The following CHST11 variants were observed in gnomAD, a reference collection of about 807,000 sequenced individuals.
The protein encoded by CHST11 is carbohydrate sulfotransferase 11.
In CHST11, 9 loss-of-function variants were observed where a neutral mutation model predicts 30.4. That is an observed-to-expected ratio of 0.30 (90% confidence interval 0.18 to 0.52). CHST11 has a LOEUF of 0.52. Among genes scored for constraint, CHST11 ranks in the 20% least tolerant of loss-of-function variants. The pLI, the probability that CHST11 is intolerant of heterozygous loss-of-function variation, is 0.97. For synonymous variants in CHST11, 152 were observed against 187.8 expected (o/e 0.81, Z 1.56); for missense variants, 348 against 460.6 (o/e 0.76, Z 2.24).
At chr12:104,606,174 G>GC (rs1231410882) in intron 2 of CHST11, among the ~76,000 whole-genome samples, 1 of 70,216 alleles carries the variant, frequency 1.4e-5, no homozygotes, top group African/African-American at 4.2e-5. Context: ...GGGGCGGGGG[G>GC]CGGGGGGGGG....
At chr12:104,722,001 T>A (rs2040180784) in intron 2 of CHST11, among the ~76,000 whole-genome samples, 1 of 152,070 alleles carries the variant, frequency 6.6e-6, no homozygotes, top group Admixed American at 6.5e-5. Context: ...TTTGGGGGGT[T>A]TTTTTGAGAC....
chr12:104,472,806 G>T (rs1049278749), intron 1 of CHST11, among the ~76,000 whole-genome samples: 42 of 151,882 alleles, frequency 2.8e-4, no homozygotes, highest in African/African-American at 9.7e-4. Context: ...TGGTTGTGGT[G>T]GTGGTGGTGG....
intron 1 of CHST11, among the ~76,000 whole-genome samples, chr12:104,570,887 C>T (rs7962055): frequency 0.28 from 42,778 of 151,654 alleles, 7,559 homozygotes; most frequent in African/African-American, 0.51. Flanking sequence ...GACGGAGTTT[C>T]GCCATGTTGA....
chr12:104,558,864 G>A (rs1021507856), intron 1 of CHST11, among the ~76,000 whole-genome samples: 2 of 151,786 alleles, frequency 1.3e-5, no homozygotes, highest in African/African-American at 2.4e-5. Context: ...CTAAGTCCTC[G>A]GGCACCAGGA....
intron 2 of CHST11, among the ~76,000 whole-genome samples, chr12:104,683,129 G>C (rs1373970785): frequency 6.6e-6 from 1 of 152,172 alleles, no homozygotes; most frequent in Non-Finnish European, 1.5e-5. Flanking sequence ...AGGTGGAATG[G>C]AGTATGATTG....
intron 2 of CHST11, among the ~76,000 whole-genome samples, chr12:104,627,596 A>C (rs1198706576): frequency 6.6e-6 from 1 of 152,204 alleles, no homozygotes; most frequent in Non-Finnish European, 1.5e-5. Context: ...AGAATTACTA[A>C]GTGTTCCTTA....
At chr12:104,514,581 T>C (rs1483624157) in intron 1 of CHST11, 1 of 410,922 alleles carries the variant, frequency 2.4e-6, no homozygotes, top group Non-Finnish European at 4.5e-6. Context: ...TTCTGCAGGC[T>C]GTACACGAAG....
chr12:104,608,512 T>C (rs1379498377), intron 2 of CHST11, among the ~76,000 whole-genome samples: 3 of 152,164 alleles, frequency 2.0e-5, no homozygotes, highest in Admixed American at 6.5e-5. Flanking sequence ...AGCCTTTGTC[T>C]ACTTGCAGTC....
intron 1 of CHST11, among the ~76,000 whole-genome samples, chr12:104,567,714 C>T (rs2136021168): frequency 1.3e-5 from 2 of 152,260 alleles, no homozygotes; most frequent in Middle Eastern, 6.8e-3. Flanking sequence ...TAGAGGTTGC[C>T]ATGGTCTGAA....
chr12:104,570,800 C>G (rs1313057579), intron 1 of CHST11, among the ~76,000 whole-genome samples: 2 of 151,518 alleles, frequency 1.3e-5, no homozygotes, highest in Non-Finnish European at 2.9e-5. Flanking sequence ...AAGTGAATCT[C>G]CTGCCTCAGC....
At chr12:104,499,468 G>A (rs1477157389) in intron 1 of CHST11, among the ~76,000 whole-genome samples, 4 of 152,156 alleles carry the variant, frequency 2.6e-5, no homozygotes, top group African/African-American at 7.2e-5. Context: ...TGGTGATTGG[G>A]CCATTAACTT....
chr12:104,737,138 G>A (rs571796890), intron 2 of CHST11, among the ~76,000 whole-genome samples: 73 of 152,342 alleles, frequency 4.8e-4, no homozygotes, highest in Non-Finnish European at 3.8e-4. Context: ...AGAACTTCCC[G>A]ACTAAGAACT....
intron 1 of CHST11, among the ~76,000 whole-genome samples, chr12:104,486,304 AT>A (rs5800622): frequency 0.64 from 93,635 of 147,032 alleles, 29,977 homozygotes; most frequent in African/African-American, 0.77. Flanking sequence ...AGTCAGTGTG[AT>A]TTTTTTTTTT....
At chr12:104,696,482 C>CAAAAAAAAAAACAAA (rs2039946588) in intron 2 of CHST11, among the ~76,000 whole-genome samples, 1 of 69,140 alleles carries the variant, frequency 1.4e-5, no homozygotes, top group Non-Finnish European at 2.5e-5. Flanking sequence ...GCTAAAAATA[C>CAAAAAAAAAAACAAA]AAAAAAAAAA....
intron 2 of CHST11, among the ~76,000 whole-genome samples, chr12:104,700,279 A>G (rs2039981031): frequency 6.6e-6 from 1 of 152,254 alleles, no homozygotes; most frequent in South Asian, 2.1e-4. Flanking sequence ...AAATACTGAT[A>G]GAATAAAATT....
At chr12:104,632,922 G>C (rs989458903) in intron 2 of CHST11, among the ~76,000 whole-genome samples, 5 of 152,250 alleles carry the variant, frequency 3.3e-5, no homozygotes, top group Non-Finnish European at 7.3e-5. Flanking sequence ...CTCCCTGGAG[G>C]GGGTGAGGGA....
chr12:104,746,083 T>G (rs1293375308), intron 2 of CHST11, among the ~76,000 whole-genome samples: 4 of 152,216 alleles, frequency 2.6e-5, no homozygotes, highest in African/African-American at 9.6e-5. Context: ...GTTTGAATTC[T>G]GACTTCTCTT....
intron 1 of CHST11, among the ~76,000 whole-genome samples, chr12:104,550,067 G>T (rs2038390790): frequency 1.3e-5 from 2 of 152,192 alleles, no homozygotes; most frequent in African/African-American, 4.8e-5. Flanking sequence ...ATACCTACCT[G>T]ACCTCTTTGG....
intron 1 of CHST11, among the ~76,000 whole-genome samples, chr12:104,517,995 C>T (rs1200134454): frequency 6.6e-6 from 1 of 152,140 alleles, no homozygotes; most frequent in Non-Finnish European, 1.5e-5. Flanking sequence ...GCCTCTGAGT[C>T]AAGACCACCT....
Sources: allele counts gnomAD v4.1 joint callset (sites outside exome capture counted in the v4.1 genomes callset), GRCh38; gene constraint gnomAD v4.1.1; transcripts MANE v1.5; gene names NCBI Gene and HGNC (gene_info 2026-07-23, HGNC 2026-07-21).